Variants in PKHD1 observed in about 807,000 individuals in gnomAD.
PKHD1 encodes the protein PKHD1 ciliary IPT domain containing fibrocystin/polyductin.
A neutral mutation model predicts 412.0 loss-of-function variants in PKHD1; 291 were observed. The observed-to-expected ratio is 0.71, with a 90% confidence interval of 0.64 to 0.78. The LOEUF (loss-of-function observed/expected upper bound fraction) is 0.78. Ranked by LOEUF, PKHD1 falls within the 30% of genes least tolerant of loss-of-function variation. PKHD1 has a pLI of 0.00. For missense variants in PKHD1, 4,825 were observed against 4,950.7 expected, an observed-to-expected ratio of 0.97 and a Z score of 0.76; for synonymous variants, 1,777 against 1,821.5, an observed-to-expected ratio of 0.98 and a Z score of 0.62.
chr6:51,663,927 G>A (rs2150443255), intron 60 of PKHD1, among the ~76,000 whole-genome samples: 1 of 152,186 alleles, frequency 6.6e-6, no homozygotes, highest in East Asian at 1.9e-4. Flanking sequence ...AACAGGTTCT[G>A]TTGTAATAAA....
At chr6:51,777,519 A>T (rs769345304) in intron 53 of PKHD1, among the ~76,000 whole-genome samples, 1 of 152,056 alleles carries the variant, frequency 6.6e-6, no homozygotes, top group Non-Finnish European at 1.5e-5. Context: ...TAGTGAAAAT[A>T]AAGATGTGCT....
Position 51,619,324 on chromosome 6 carries a change from T to C in PKHD1, c.11982A>G (p.Gln3994=), listed in dbSNP as rs749491407. The C allele has an allele frequency of 6.2e-7, 1 of 1,614,218 alleles. No individual in the cohort carries two copies. Among genetic ancestry groups the C allele is most frequent in the Admixed American group, 1.7e-5 (1 of 60,030 alleles). Residue 3994 remains glutamine, a synonymous_variant, in exon 67 of 67, where the codon CAA becomes CAG. Transcript: ENST00000371117. The stretch of plus-strand genomic sequence containing the variant: ...GGCCCTCCTTCCAGTTCCCAGTCTC[T>C]TGCAGGTACACCTGCTGAGCAGGAG... ...PGAPAQQVYL[Q]ETGNWKEGQE...
intron 60 of PKHD1, among the ~76,000 whole-genome samples, chr6:51,676,801 T>C (rs1775921901): frequency 6.6e-6 from 1 of 152,186 alleles, no homozygotes; most frequent in African/African-American, 2.4e-5. Flanking sequence ...AGAAAATATG[T>C]TTTGGTCATA....
At chr6:51,763,410 GCTCAGA>G (rs1469077113) in intron 55 of PKHD1, among the ~76,000 whole-genome samples, 1 of 152,044 alleles carries the variant, frequency 6.6e-6, no homozygotes, top group Non-Finnish European at 1.5e-5. Context: ...ATAGCCTGTA[GCTCAGA>G]CTCCAAATGA....
chr6:51,620,664 G>C (rs1296936290), intron 66 of PKHD1, among the ~76,000 whole-genome samples: 1 of 151,662 alleles, frequency 6.6e-6, no homozygotes, highest in Non-Finnish European at 1.5e-5. Context: ...TGTGTTAGGA[G>C]ATAGTAATCC....
intron 50 of PKHD1, among the ~76,000 whole-genome samples, chr6:51,841,592 G>C (rs1003638303): frequency 6.6e-6 from 1 of 152,120 alleles, no homozygotes; most frequent in African/African-American, 2.4e-5. Context: ...GGGGATCTTT[G>C]GGAATGAGTT....
At chr6:52,028,503 G>A in intron 29 of PKHD1, 152 bp from the exon 30 acceptor site, 2 of 718,960 alleles carry the variant, frequency 2.8e-6, no homozygotes, top group Non-Finnish European at 4.7e-6. Context: ...AATTTTTCAA[G>A]AAACTTCTAA....
intron 60 of PKHD1, among the ~76,000 whole-genome samples, chr6:51,670,954 G>C (rs1252862071): frequency 6.6e-6 from 1 of 151,862 alleles, no homozygotes; most frequent in Admixed American, 6.6e-5. Flanking sequence ...TGGGTAACCA[G>C]ACCTTTCTCT....
chr6:51,815,045 C>T (rs1304270382), intron 52 of PKHD1, among the ~76,000 whole-genome samples: 1 of 152,152 alleles, frequency 6.6e-6, no homozygotes, highest in African/African-American at 2.4e-5. Flanking sequence ...CAGGGAACGG[C>T]CACCCTCCAT....
chr6:52,031,466 G>C lies in PKHD1; in HGVS notation c.3364+1564C>G, dbSNP rs962620865. On this transcript the variant is annotated intron_variant, in intron 29 of 66. Coordinates refer to ENST00000371117, the MANE Select transcript of PKHD1 (RefSeq NM_138694.4). Reference sequence around the variant, plus strand: ...CCCATGTGGCATAGTGGAGCTCTCTGAACCTTTTCTGGTTCTACAAGTTAC... The same window carrying C: ...CCCATGTGGCATAGTGGAGCTCTCTCAACCTTTTCTGGTTCTACAAGTTAC... 4.6e-5 allele frequency among the ~76,000 whole-genome samples: 7 copies of C among 152,320 alleles called. No individual in the cohort carries two copies. The South Asian group carries it at 6.2e-4, about 14-fold the overall frequency.
intron 60 of PKHD1, among the ~76,000 whole-genome samples, chr6:51,738,387 A>G (rs929526632): frequency 8.5e-5 from 13 of 152,224 alleles, no homozygotes; most frequent in Non-Finnish European, 1.6e-4. Flanking sequence ...ACAGAGTTGC[A>G]GATATGTAAG....
Position 51,880,913 on chromosome 6 carries a change from C to T in PKHD1, c.7350+2180G>A, listed in dbSNP as rs1777206052. Among the ~76,000 whole-genome samples, 5 of 148,710 alleles carry T rather than the reference C, an allele frequency of 3.4e-5. No homozygotes were observed. The South Asian group carries it at 1.1e-3, about 32-fold the overall frequency. On this transcript the variant is annotated intron_variant, in intron 46 of 66. Coordinates refer to ENST00000371117, the MANE Select transcript of PKHD1 (RefSeq NM_138694.4). ...CCCGGGAGGCGGAGCTTGCAGTGAG[C>T]CAAGATCGCGCCACTGCACTCCAGC... is the stretch of plus-strand genomic sequence containing the variant.
intron 35 of PKHD1, among the ~76,000 whole-genome samples, chr6:52,009,288 G>A (rs951624539): frequency 7.9e-5 from 12 of 152,144 alleles, no homozygotes; most frequent in Admixed American, 7.2e-4. Context: ...GGAAAGGTAG[G>A]CACGGAACAG....
chr6:52,032,452 C>G (rs986387197), intron 29 of PKHD1, among the ~76,000 whole-genome samples: 1 of 152,070 alleles, frequency 6.6e-6, no homozygotes, highest in Non-Finnish European at 1.5e-5. Context: ...TATTTTTATA[C>G]GTAGAATGTC....
At chr6:52,007,844 C>T (rs1385478438) in intron 35 of PKHD1, among the ~76,000 whole-genome samples, 1 of 152,146 alleles carries the variant, frequency 6.6e-6, no homozygotes, top group Non-Finnish European at 1.5e-5. Flanking sequence ...TCCTAACTTC[C>T]ACCATATTGA....
chr6:51,717,129 C>T (rs1781363621), intron 60 of PKHD1, among the ~76,000 whole-genome samples: 2 of 152,204 alleles, frequency 1.3e-5, no homozygotes, highest in Non-Finnish European at 2.9e-5. Context: ...TTCCAGTCAA[C>T]AATGGACTCC....
At chr6:51,975,963 T>TAAAAAAAAAAA (rs66774242) in intron 35 of PKHD1, 16 of 69,778 alleles carry the variant, frequency 2.3e-4, no homozygotes, top group African/African-American at 2.7e-4. Context: ...TTTCTCTAAT[T>TAAAAAAAAAAA]AAAAAAAAAA....
intron 35 of PKHD1, among the ~76,000 whole-genome samples, chr6:51,969,896 C>T (rs1483092643): frequency 6.6e-6 from 1 of 152,184 alleles, no homozygotes; most frequent in Admixed American, 6.5e-5. Flanking sequence ...TTGAGATAAT[C>T]ACCTGAATGA....
At chr6:51,722,692 A>C (rs958234962) in intron 60 of PKHD1, among the ~76,000 whole-genome samples, 3 of 152,252 alleles carry the variant, frequency 2.0e-5, no homozygotes, top group African/African-American at 7.2e-5. Flanking sequence ...TAAAATTAAC[A>C]TAATAAATCT....
Sources: allele counts gnomAD v4.1 joint callset (sites outside exome capture counted in the v4.1 genomes callset), GRCh38; gene constraint gnomAD v4.1.1; transcripts MANE v1.5; gene names NCBI Gene and HGNC (gene_info 2026-07-23, HGNC 2026-07-21).